The following OPCML variants were observed in gnomAD, a reference collection of about 807,000 sequenced individuals.
OPCML encodes the protein opioid binding protein/cell adhesion molecule like.
In OPCML, 13 loss-of-function variants were observed where a neutral mutation model predicts 37.8. The observed-to-expected ratio is 0.34, with a 90% CI of 0.22 to 0.55. The LOEUF is 0.55. OPCML is among the 20% of genes least tolerant of loss of function. OPCML has a pLI of 0.91. For missense variants in OPCML, 341 were observed against 435.6 expected (o/e 0.78, Z 1.93); for synonymous variants, 176 against 168.8 (o/e 1.04, Z -0.33).
chr11:133,338,519 G>C (rs1485635810), intron 1 of OPCML, among the ~76,000 whole-genome samples: 1 of 152,162 alleles, frequency 6.6e-6, no homozygotes, highest in Non-Finnish European at 1.5e-5. Flanking sequence ...GGCCAACAGC[G>C]AAACTGCCCA....
intron 1 of OPCML, among the ~76,000 whole-genome samples, chr11:133,073,422 C>T (rs1354690157): frequency 6.6e-6 from 1 of 152,212 alleles, no homozygotes; most frequent in African/African-American, 2.4e-5. Flanking sequence ...AGGAGCAGTG[C>T]CAAAGGGCTC....
rs1250019012 is a variant in OPCML at position 133,015,371 on chromosome 11, TGAAG to T, written c.62-72365_62-72362del. 1.7e-3 allele frequency among the ~76,000 whole-genome samples: 99 copies of T among 57,626 alleles called. 1 individual carries two copies. The East Asian group carries it at 0.02, about 12-fold the overall frequency. The allele number at this position is 57,626 out of a possible 152,430, so 37.8% of individuals were successfully genotyped here. A position where few individuals can be genotyped will look rare whatever the true frequency, so the allele number is the denominator to read the frequency against. ...AGGGAGGGAGGAAGGAAGGGAGGAA[TGAAG>T]GAAGGAAGGAAGGAAGGAATGAAGG... On this transcript the variant is annotated intron_variant, in intron 1 of 7. Transcript: ENST00000524381.
At chr11:133,457,538 C>T (rs1195262358) in intron 1 of OPCML, among the ~76,000 whole-genome samples, 2 of 151,828 alleles carry the variant, frequency 1.3e-5, no homozygotes, top group Admixed American at 6.6e-5. Context: ...GACCATATAT[C>T]TATGGCCTCT....
intron 1 of OPCML, among the ~76,000 whole-genome samples, chr11:132,980,169 A>C (rs1283170513): frequency 6.6e-6 from 1 of 152,232 alleles, no homozygotes; most frequent in Non-Finnish European, 1.5e-5. Context: ...ATGGATGCTG[A>C]ATAAAGCATA....
intron 1 of OPCML, among the ~76,000 whole-genome samples, chr11:133,370,395 T>C (rs1353484794): frequency 6.8e-6 from 1 of 146,606 alleles, no homozygotes; most frequent in Non-Finnish European, 1.5e-5. Context: ...AAAATCAATA[T>C]ACAAAAATCA....
chr11:132,984,534 T>C (rs941729236), intron 1 of OPCML, among the ~76,000 whole-genome samples: 17 of 152,304 alleles, frequency 1.1e-4, no homozygotes, highest in African/African-American at 4.1e-4. Flanking sequence ...TTCGTAAGTA[T>C]AAAAGGAAAA....
chr11:133,358,714 C>T (rs1565591051), intron 1 of OPCML, among the ~76,000 whole-genome samples: 1 of 152,156 alleles, frequency 6.6e-6, no homozygotes, highest in Non-Finnish European at 1.5e-5. Flanking sequence ...GGGGTAAGCA[C>T]ACACAGGCTG....
rs938029188 is a variant in OPCML, at chr11:132,883,093, G to A, written c.146+59833C>T. 1.2e-4 allele frequency among the ~76,000 whole-genome samples: 19 copies of A among 152,154 alleles called. 1 individual carries two copies. The highest frequency in any genetic ancestry group is 8.5e-4 in the Admixed American group (13 of 15,276). Reference sequence around the variant, plus strand: ...ACACCAAAATGGTCCGATCTGAGGGGCAAGGTACTCCCGGAAGGAAGAACC... The same window carrying A: ...ACACCAAAATGGTCCGATCTGAGGGACAAGGTACTCCCGGAAGGAAGAACC... On this transcript the variant is annotated intron_variant, in intron 2 of 7. Coordinates refer to ENST00000524381, the MANE Select transcript of OPCML (RefSeq NM_001012393.5).
intron 1 of OPCML, among the ~76,000 whole-genome samples, chr11:133,078,620 T>C (rs539469837): frequency 6.6e-6 from 1 of 152,230 alleles, no homozygotes; most frequent in African/African-American, 2.4e-5. Context: ...CCCTTGACCC[T>C]CATCCCTCCA....
intron 3 of OPCML, among the ~76,000 whole-genome samples, chr11:132,628,178 G>C (rs1939861492): frequency 1.3e-5 from 2 of 152,060 alleles, no homozygotes; most frequent in African/African-American, 4.8e-5. Context: ...TGTTACCTTG[G>C]CGTAAGTAAT....
chr11:132,527,253 T>G (rs970197776), intron 4 of OPCML, among the ~76,000 whole-genome samples: 10 of 152,096 alleles, frequency 6.6e-5, no homozygotes, highest in African/African-American at 2.4e-4. Context: ...TGCCTAGGAG[T>G]GGAATTGCTG....
intron 2 of OPCML, among the ~76,000 whole-genome samples, chr11:132,942,299 A>G (rs964539395): frequency 1.3e-5 from 2 of 152,186 alleles, no homozygotes; most frequent in African/African-American, 4.8e-5. Context: ...TGCTTTTCAC[A>G]CAGAAGTGAT....
chr11:133,289,915 C>G (rs1453914114), intron 1 of OPCML, among the ~76,000 whole-genome samples: 1 of 152,124 alleles, frequency 6.6e-6, no homozygotes, highest in Admixed American at 6.5e-5. Flanking sequence ...CGTCCATTTC[C>G]CCCCTGGGCT....
chr11:132,648,105 C>A (rs1941246077), intron 3 of OPCML, among the ~76,000 whole-genome samples: 1 of 152,222 alleles, frequency 6.6e-6, no homozygotes, highest in Admixed American at 6.5e-5. Context: ...CATCACTATT[C>A]TGAATTCACA....
intron 1 of OPCML, among the ~76,000 whole-genome samples, chr11:133,290,035 A>T (rs940057390): frequency 1.3e-5 from 2 of 152,162 alleles, no homozygotes; most frequent in Non-Finnish European, 2.9e-5. Flanking sequence ...AAAGCTCCAG[A>T]TCTTTTCCTT....
chr11:132,835,184 G>A (rs1239681331), intron 2 of OPCML, among the ~76,000 whole-genome samples: 1 of 152,170 alleles, frequency 6.6e-6, no homozygotes, highest in Non-Finnish European at 1.5e-5. Flanking sequence ...TGCCAGTGAA[G>A]AGCCTCCTTG....
At chr11:133,118,335 C>T (rs764816232) in intron 1 of OPCML, 33 of 985,358 alleles carry the variant, frequency 3.3e-5, no homozygotes, top group Non-Finnish European at 4.0e-5. Context: ...AGGGCCCAGG[C>T]TGGTGCAAGG....
intron 2 of OPCML, among the ~76,000 whole-genome samples, chr11:132,681,781 C>T (rs954292725): frequency 6.6e-6 from 1 of 152,016 alleles, no homozygotes; most frequent in Non-Finnish European, 1.5e-5. Context: ...CGGTGAAACC[C>T]CGTCTCTACT....
intron 4 of OPCML, among the ~76,000 whole-genome samples, chr11:132,474,455 G>C (rs577337134): frequency 6.6e-6 from 1 of 152,288 alleles, no homozygotes; most frequent in Non-Finnish European, 1.5e-5. Flanking sequence ...CCTGTGGCCT[G>C]TCCTCTTCAG....
Sources: gnomAD v4.1 joint callset for allele counts (sites outside exome capture counted in the v4.1 genomes callset) on GRCh38, gnomAD v4.1.1 for gene constraint, MANE v1.5 for transcripts, NCBI Gene and HGNC (gene_info 2026-07-23, HGNC 2026-07-21) for gene names.